Variants in ARHGEF7 observed in about 807,000 individuals in gnomAD.
ARHGEF7 encodes Rho guanine nucleotide exchange factor 7.
A neutral mutation model predicts 109.8 loss-of-function variants in ARHGEF7; 33 were observed. The ratio of observed to expected loss-of-function variants is 0.30; its 90% CI spans 0.23 to 0.40. The LOEUF (loss-of-function observed/expected upper bound fraction) is 0.40. Ranked by LOEUF, ARHGEF7 falls within the 10% of genes least tolerant of loss-of-function variation. The pLI, the probability that ARHGEF7 is intolerant of heterozygous loss-of-function variation, is 1.00. For missense variants in ARHGEF7, 938 were observed against 1,098.5 expected (o/e 0.85, Z 2.07); for synonymous variants, 458 against 424.6 (o/e 1.08, Z -0.97).
intron 21 of ARHGEF7, among the ~76,000 whole-genome samples, chr13:111,302,356 C>T (rs2093588802): frequency 6.6e-6 from 1 of 152,134 alleles, no homozygotes; most frequent in Non-Finnish European, 1.5e-5. Context: ...GTTCTTTTGG[C>T]CGAGGAACAG....
intron 8 of ARHGEF7, among the ~76,000 whole-genome samples, chr13:111,260,810 T>C (rs901241080): frequency 2.3e-4 from 35 of 152,184 alleles, no homozygotes; most frequent in Admixed American, 6.5e-5. Context: ...CAGTAAGATA[T>C]AAGTAGAAAC....
chr13:111,118,670 G>C (rs1372592587), intron 1 of ARHGEF7, among the ~76,000 whole-genome samples: 1 of 152,154 alleles, frequency 6.6e-6, no homozygotes, highest in Non-Finnish European at 1.5e-5. Flanking sequence ...AGGGTATTTA[G>C]TCAAAGGAGG....
intron 2 of ARHGEF7, among the ~76,000 whole-genome samples, chr13:111,192,336 T>C (rs1287567724): frequency 6.6e-6 from 1 of 152,168 alleles, no homozygotes; most frequent in African/African-American, 2.4e-5. Flanking sequence ...GGGGAGAGAT[T>C]TGACCAACAC....
intron 1 of ARHGEF7, among the ~76,000 whole-genome samples, chr13:111,128,569 C>A (rs2067735864): frequency 6.6e-6 from 1 of 152,108 alleles, no homozygotes; most frequent in African/African-American, 2.4e-5. Flanking sequence ...GGTTAATATA[C>A]AAAATCAGTT....
intron 1 of ARHGEF7, among the ~76,000 whole-genome samples, chr13:111,125,829 A>G (rs1166733516): frequency 6.6e-6 from 1 of 152,232 alleles, no homozygotes; most frequent in Non-Finnish European, 1.5e-5. Context: ...TTTTCTGAAA[A>G]AGCCTTTTGC....
rs1453774307 is a variant in ARHGEF7, at chr13:111,131,499, A to G, written c.165+15808A>G. 3.3e-5 allele frequency among the ~76,000 whole-genome samples: 5 copies of G among 152,188 alleles called. No individual in the cohort carries two copies. Among genetic ancestry groups the G allele is most frequent in the African/African-American group, 4.8e-5 (2 of 41,454 alleles). On this transcript the variant is annotated intron_variant, in intron 1 of 21. Coordinates refer to ENST00000646102, the MANE Select transcript of ARHGEF7 (RefSeq NM_001354046.2). The surrounding 1 kb of genome is among the most constrained non-coding windows in gnomAD (Gnocchi z 4.4). ...AGCATACACGTGGGACTCGTAGTAC[A>G]GAGATATGTACTGAAGCTGAAGGAC...
chr13:111,158,893 T>C (rs1182409588), intron 2 of ARHGEF7: 16 of 613,572 alleles, frequency 2.6e-5, no homozygotes, highest in South Asian at 1.6e-4. Context: ...TCTAATCTTT[T>C]AGCAATTTTG....
intron 8 of ARHGEF7, among the ~76,000 whole-genome samples, chr13:111,251,179 C>G (rs549298234): frequency 6.6e-6 from 1 of 152,098 alleles, no homozygotes; most frequent in Admixed American, 6.5e-5. Context: ...TCGGGTATGA[C>G]GGAAAGGGGT....
At chr13:111,183,774 G>A (rs1195835073) in intron 2 of ARHGEF7, among the ~76,000 whole-genome samples, 3 of 151,820 alleles carry the variant, frequency 2.0e-5, no homozygotes, top group African/African-American at 7.3e-5. Flanking sequence ...TAATTGTACC[G>A]GTTTTATAAT....
At chr13:111,224,273 C>CA (rs1258159667) in intron 5 of ARHGEF7, among the ~76,000 whole-genome samples, 1 of 124,446 alleles carries the variant, frequency 8.0e-6, no homozygotes, top group Non-Finnish European at 1.6e-5. Flanking sequence ...AGGAGAGAAG[C>CA]AGCAAGGTCC....
intron 2 of ARHGEF7, among the ~76,000 whole-genome samples, chr13:111,198,185 C>T (rs1020859102): frequency 4.6e-5 from 7 of 152,118 alleles, no homozygotes; most frequent in Admixed American, 6.5e-5. Flanking sequence ...GTCTTTAGTC[C>T]GGTGGCTGTG....
intron 18 of ARHGEF7, among the ~76,000 whole-genome samples, chr13:111,290,851 C>T (rs966948597): frequency 6.6e-6 from 1 of 152,116 alleles, no homozygotes; most frequent in African/African-American, 2.4e-5. Flanking sequence ...AGAAATTGCT[C>T]GCTTGTGCTG....
chr13:111,240,726 G>A (rs2087621099), intron 6 of ARHGEF7, among the ~76,000 whole-genome samples: 1 of 152,194 alleles, frequency 6.6e-6, no homozygotes, highest in African/African-American at 2.4e-5. Context: ...AGGTAGGGTG[G>A]AGGTAGATTT....
chr13:111,275,547 G>T lies in ARHGEF7; in HGVS notation c.1288G>T (p.Val430Phe). 6.2e-7 allele frequency: 1 copy of T among 1,613,938 alleles called. No individual in the cohort carries two copies. The highest frequency in any genetic ancestry group is 8.5e-7 in the Non-Finnish European group (1 of 1,179,918). Reference protein sequence around the residue: ...FKNLSAQCQEVRKRKELELQI... With the variant: ...FKNLSAQCQEFRKRKELELQI... ...TGTCTGTCAGGCCCAATGTCAAGAA[G>T]TCCGGAAGAGGAAAGAGCTTGAGCT... The change falls in exon 12 of 22, where the codon GTC becomes TTC. Residue 430 changes from valine to phenylalanine, a missense_variant. Physicochemically the swap from Val to Phe is conservative, Grantham distance 50. Around this residue, in one of 4 missense-constraint regions of ARHGEF7, gnomAD observed 585 missense variants for 723.6 expected, o/e 0.81. Coordinates refer to ENST00000646102, the MANE Select transcript of ARHGEF7 (RefSeq NM_001354046.2).
chr13:111,154,055 TGCTTC>T, intron 2 of ARHGEF7, 64 bp downstream of exon 2: 7 of 1,472,356 alleles, frequency 4.8e-6, no homozygotes, highest in Non-Finnish European at 6.3e-6. Flanking sequence ...CCGGGGTGGG[TGCTTC>T]GCTCCAGCCG....
chr13:111,122,473 T>G (rs1203923778), intron 1 of ARHGEF7, among the ~76,000 whole-genome samples: 1 of 152,222 alleles, frequency 6.6e-6, no homozygotes, highest in African/African-American at 2.4e-5. Context: ...TTTCTAACTT[T>G]AGCTTTGAAT....
chr13:111,276,331 A>C lies in ARHGEF7; in HGVS notation c.1419+653A>C, dbSNP rs541190857. ...GAAATGACTCATTTTTGAACACAAG[A>C]CTCCAAGGAGAATAAGAAAACTAAA... On this transcript the variant is annotated intron_variant, in intron 12 of 21. Transcript: ENST00000646102. Among the ~76,000 whole-genome samples, 38 of 152,322 alleles carry C rather than the reference A, an allele frequency of 2.5e-4. 1 individual carries two copies. Among genetic ancestry groups the C allele is most frequent in the East Asian group, 1.5e-3 (8 of 5,192 alleles).
At chr13:111,221,083 C>T (rs1000858228) in intron 5 of ARHGEF7, among the ~76,000 whole-genome samples, 2 of 142,352 alleles carry the variant, frequency 1.4e-5, no homozygotes, top group African/African-American at 5.2e-5. Context: ...ACATATACAT[C>T]CCCCTATTGT....
At chr13:111,257,230 C>T (rs76906501) in intron 8 of ARHGEF7, among the ~76,000 whole-genome samples, 3,259 of 152,284 alleles carry the variant, frequency 0.021, 119 homozygotes, top group African/African-American at 0.075. Flanking sequence ...ATCCTTCAGT[C>T]CCAGTGAACA....
Sources: gnomAD v4.1 joint callset for allele counts (sites outside exome capture counted in the v4.1 genomes callset) on GRCh38, gnomAD v4.1.1 for gene constraint, gnomAD v4.1.1 regional missense constraint, Gnocchi (gnomAD v3.1) non-coding constraint, MANE v1.5 for transcripts, NCBI Gene and HGNC (gene_info 2026-07-23, HGNC 2026-07-21) for gene names.